Variants in OPRM1 observed in about 807,000 individuals in gnomAD.
OPRM1 encodes the protein opioid receptor mu 1, also known as mu-type opioid receptor.
OPRM1 carries 27 observed loss-of-function variants against 31.8 expected under a neutral mutation model. The ratio of observed to expected loss-of-function variants is 0.85; its 90% CI spans 0.63 to 1.17. The LOEUF (loss-of-function observed/expected upper bound fraction) is 1.17, where lower values mean the gene tolerates loss of function less well. OPRM1 is among the 50% of genes most tolerant of loss of function. The pLI, the probability that OPRM1 is intolerant of heterozygous loss-of-function variation, is 0.00. For missense variants in OPRM1, 536 were observed against 511.1 expected, an observed-to-expected ratio of 1.05 and a Z score of -0.47; for synonymous variants, 196 against 189.9, an observed-to-expected ratio of 1.03 and a Z score of -0.26.
At chr6:154,060,338 A>G (rs930276997) in intron 1 of OPRM1, among the ~76,000 whole-genome samples, 2 of 152,238 alleles carry the variant, frequency 1.3e-5, no homozygotes, top group African/African-American at 2.4e-5. Context: ...CTAAATAAAT[A>G]GACCAAAAGA....
At chr6:154,057,286 T>G (rs551371180) in intron 1 of OPRM1, among the ~76,000 whole-genome samples, 1 of 152,300 alleles carries the variant, frequency 6.6e-6, no homozygotes, top group South Asian at 2.1e-4. Flanking sequence ...GTTTCAGATA[T>G]CAGTGAGCAA....
Position 154,039,768 on chromosome 6 carries a change from C to A in OPRM1, c.224C>A (p.Ala75Asp). ...ATGATCACGGCCATCACGATCATGG[C>A]CCTCTACTCCATCGTGTGCGTGGTG... ...PSMITAITIM[A>D]LYSIVCVVGL... is the part of the protein sequence containing the mutation. Residue 75 changes from alanine to aspartate, a missense_variant, in exon 1 of 4, where the codon GCC (alanine) becomes GAC (aspartate). By Grantham distance (126) the Ala-to-Asp change is moderately radical. Transcript: ENST00000330432. The A allele has an allele frequency of 6.2e-7, 1 of 1,604,706 alleles. No individual in the cohort carries two copies. The highest frequency in any genetic ancestry group is 8.5e-7 in the Non-Finnish European group (1 of 1,179,832).
intron 3 of OPRM1, among the ~76,000 whole-genome samples, chr6:154,232,921 G>C (rs1779831791): frequency 6.6e-6 from 1 of 151,110 alleles, no homozygotes; most frequent in Non-Finnish European, 1.5e-5. Flanking sequence ...GAAAACAAAA[G>C]AGAAGGAATG....
At chr6:154,061,449 T>G (rs1332575750) in intron 1 of OPRM1, among the ~76,000 whole-genome samples, 1 of 151,748 alleles carries the variant, frequency 6.6e-6, no homozygotes, top group Non-Finnish European at 1.5e-5. Context: ...TTGGCAAAAA[T>G]AAAAATAAGA....
At chr6:154,082,272 A>C (rs1202042156) in intron 1 of OPRM1, among the ~76,000 whole-genome samples, 2 of 152,184 alleles carry the variant, frequency 1.3e-5, no homozygotes, top group African/African-American at 4.8e-5. Flanking sequence ...GCTGGGTTCT[A>C]TGCTGAATGG....
At chr6:154,060,829 G>A (rs1234571918) in intron 1 of OPRM1, among the ~76,000 whole-genome samples, 3 of 152,142 alleles carry the variant, frequency 2.0e-5, no homozygotes, top group African/African-American at 7.2e-5. Flanking sequence ...TCATCTTAGA[G>A]ATGTATCCCA....
At chr6:154,180,386 CTATATATATA>C (rs58975780) in intron 3 of OPRM1, among the ~76,000 whole-genome samples, 13 of 88,320 alleles carry the variant, frequency 1.5e-4, no homozygotes, top group African/African-American at 5.8e-4. Flanking sequence ...ACAACAACAA[CTATATATATA>C]TATATATATA....
intron 1 of OPRM1, among the ~76,000 whole-genome samples, chr6:154,046,180 A>G (rs1781080252): frequency 6.6e-6 from 1 of 152,218 alleles, no homozygotes; most frequent in Non-Finnish European, 1.5e-5. Context: ...AAAAACTCGT[A>G]AGAAAAATTC....
chr6:154,205,254 C>G (rs1237151409), intron 3 of OPRM1, among the ~76,000 whole-genome samples: 1 of 152,184 alleles, frequency 6.6e-6, no homozygotes, highest in Non-Finnish European at 1.5e-5. Flanking sequence ...AAGACACCAT[C>G]TAGTTCCATT....
intron 3 of OPRM1, among the ~76,000 whole-genome samples, chr6:154,163,866 G>T (rs1391787133): frequency 1.3e-5 from 2 of 152,188 alleles, no homozygotes; most frequent in Non-Finnish European, 2.9e-5. Context: ...ATAGAAGATA[G>T]ACATATAGAT....
intron 3 of OPRM1, among the ~76,000 whole-genome samples, chr6:154,169,948 C>G (rs967794716): frequency 6.6e-6 from 1 of 152,090 alleles, no homozygotes; most frequent in African/African-American, 2.4e-5. Context: ...GGAAGTATCC[C>G]AAGAATAATG....
At chr6:154,036,204 G>A (rs551999816), upstream of OPRM1, among the ~76,000 whole-genome samples, 25 of 152,088 alleles carry the variant, frequency 1.6e-4, 1 homozygote, top group Admixed American at 1.2e-3. Context: ...TTCTGGAACA[G>A]TTTTTCTCTA....
At chr6:154,232,629 G>A (rs1037966462) in intron 3 of OPRM1, among the ~76,000 whole-genome samples, 1 of 152,106 alleles carries the variant, frequency 6.6e-6, no homozygotes, top group Admixed American at 6.5e-5. Context: ...AACTGAAATG[G>A]GAGGAGGAGA....
At chr6:154,069,719 G>A (rs117296063) in intron 1 of OPRM1, among the ~76,000 whole-genome samples, 1 of 152,084 alleles carries the variant, frequency 6.6e-6, no homozygotes, top group Non-Finnish European at 1.5e-5. Flanking sequence ...TCTGCTGCAC[G>A]TGGAAATCCA....
At chr6:154,090,268 C>A in intron 2 of OPRM1, 90 bp downstream of exon 2, 1 of 813,592 alleles carries the variant, frequency 1.2e-6, no homozygotes, top group South Asian at 1.7e-5. Context: ...TGGAGTGCCC[C>A]ATTGTCTTAG....
intron 3 of OPRM1, among the ~76,000 whole-genome samples, chr6:154,148,153 C>T (rs1798405251): frequency 1.3e-5 from 2 of 152,196 alleles, no homozygotes; most frequent in Admixed American, 1.3e-4. Flanking sequence ...CTTCCTTGGC[C>T]ATACAGTGGG....
intron 3 of OPRM1, among the ~76,000 whole-genome samples, chr6:154,235,949 A>G (rs893243939): frequency 1.3e-5 from 2 of 152,194 alleles, no homozygotes; most frequent in Non-Finnish European, 2.9e-5. Flanking sequence ...TTCCAGTTCT[A>G]TGGTTGGGAA....
chr6:154,229,860 T>G (rs1165218171), intron 3 of OPRM1, among the ~76,000 whole-genome samples: 1 of 152,208 alleles, frequency 6.6e-6, no homozygotes. Context: ...GACACAGCCA[T>G]ACGACGAAAT....
At chr6:154,101,175 T>C (rs1794777961) in intron 3 of OPRM1, among the ~76,000 whole-genome samples, 1 of 152,112 alleles carries the variant, frequency 6.6e-6, no homozygotes, top group Non-Finnish European at 1.5e-5. Flanking sequence ...GGATGAGATA[T>C]GACTACTGTA....
Sources: gnomAD v4.1 joint callset for allele counts (sites outside exome capture counted in the v4.1 genomes callset) on GRCh38, gnomAD v4.1.1 for gene constraint, MANE v1.5 for transcripts, NCBI Gene and HGNC (gene_info 2026-07-23, HGNC 2026-07-21) for gene names.